Variants in SSBP2 observed in about 807,000 individuals in gnomAD.
The protein encoded by SSBP2 is single stranded DNA binding protein 2.
Under a neutral mutation model 61.8 loss-of-function variants are expected in SSBP2, and 17 were observed. That is an observed-to-expected ratio of 0.28 (90% confidence interval 0.19 to 0.41). The LOEUF (loss-of-function observed/expected upper bound fraction) is 0.41. Ranked by LOEUF, SSBP2 falls within the 10% of genes least tolerant of loss-of-function variation. SSBP2 has a pLI of 1.00. For synonymous variants in SSBP2, 139 were observed against 141.3 expected, an observed-to-expected ratio of 0.98 and a Z score of 0.12; for missense variants, 310 against 458.7, an observed-to-expected ratio of 0.68 and a Z score of 2.96.
rs993516548 is a variant in SSBP2 at position 81,612,306 on chromosome 5, T to C, written c.282+3167A>G. On this transcript the variant is annotated intron_variant, in intron 4 of 16. Coordinates refer to ENST00000320672, the MANE Select transcript of SSBP2 (RefSeq NM_012446.5). The stretch of plus-strand genomic sequence containing the variant: ...ATGCTAAATGCCTGTGCATGTAACA[T>C]GGTAAATTTAAATTTTATTTCATTA... 2.0e-5 allele frequency among the ~76,000 whole-genome samples: 3 copies of C among 152,246 alleles called. 1 individual carries two copies. The highest frequency in any genetic ancestry group is 4.1e-4 in the South Asian group (2 of 4,830).
At chr5:81,711,879 T>C (rs1056804493) in intron 1 of SSBP2, among the ~76,000 whole-genome samples, 2 of 151,942 alleles carry the variant, frequency 1.3e-5, no homozygotes, top group African/African-American at 4.8e-5. Context: ...TGCCTCGGTT[T>C]CCTCACCTGT....
chr5:81,493,761 A>AT (rs1561466642), intron 5 of SSBP2, among the ~76,000 whole-genome samples: 2 of 151,602 alleles, frequency 1.3e-5, no homozygotes, highest in African/African-American at 2.4e-5. Context: ...ATCTCAAAAA[A>AT]AAAAATAAAA....
chr5:81,554,087 C>T (rs1484940410), intron 4 of SSBP2, among the ~76,000 whole-genome samples: 1 of 151,966 alleles, frequency 6.6e-6, no homozygotes, highest in East Asian at 1.9e-4. Context: ...GCATAAGTAA[C>T]AAAAACAGAT....
intron 1 of SSBP2, among the ~76,000 whole-genome samples, chr5:81,703,839 C>T (rs1754172236): frequency 6.6e-6 from 1 of 152,086 alleles, no homozygotes; most frequent in Non-Finnish European, 1.5e-5. Flanking sequence ...ATGGTGACTA[C>T]TTTTTCATTG....
At chr5:81,587,581 T>A (rs1412538665) in intron 4 of SSBP2, among the ~76,000 whole-genome samples, 1 of 151,942 alleles carries the variant, frequency 6.6e-6, no homozygotes, top group Non-Finnish European at 1.5e-5. Flanking sequence ...AATACAAAAA[T>A]TAGCCAAATG....
chr5:81,445,816 A>G (rs1007435224), intron 12 of SSBP2, among the ~76,000 whole-genome samples: 1 of 152,116 alleles, frequency 6.6e-6, no homozygotes, highest in Non-Finnish European at 1.5e-5. Context: ...TTTCCCATCT[A>G]CTTAATCATC....
chr5:81,751,171 G>T, upstream of SSBP2: 1 of 956,382 alleles, frequency 1.0e-6, no homozygotes, highest in Non-Finnish European at 1.6e-6. Context: ...CCAAAGCTCC[G>T]CCCCCTTCGC....
At chr5:81,420,583 A>C in intron 16 of SSBP2, 50 bp from the exon 17 acceptor site, 2 of 1,485,768 alleles carry the variant, frequency 1.3e-6, no homozygotes, top group Non-Finnish European at 1.9e-6. Flanking sequence ...TTTAGAGATC[A>C]CTAAGGTTCT....
At chr5:81,530,529 C>T (rs1018909198) in intron 4 of SSBP2, among the ~76,000 whole-genome samples, 1 of 151,594 alleles carries the variant, frequency 6.6e-6, no homozygotes, top group South Asian at 2.1e-4. Flanking sequence ...GTTTCTTCTC[C>T]CTCAGATCCA....
At chr5:81,728,390 G>C (rs116727969) in intron 1 of SSBP2, among the ~76,000 whole-genome samples, 1,857 of 152,204 alleles carry the variant, frequency 0.012, 35 homozygotes, top group African/African-American at 0.041. Context: ...GGCCTCTCTT[G>C]TCCTCATTTC....
rs902204341 is a variant in SSBP2, at chr5:81,418,146, T to C, written c.*2358A>G. 1 of 152,240 alleles carries C rather than the reference T, an allele frequency of 6.6e-6. No homozygotes were observed. The highest frequency in any genetic ancestry group is 1.9e-4 in the East Asian group (1 of 5,206). The allele number at this position is 152,240 out of a possible 1,614,324, so 9.4% of individuals were successfully genotyped here. ...AATCAAAGGACTGTCAATTTTTATA[T>C]GATTGTCATAAAATATGAAAGTCAA... On this transcript the variant is annotated 3_prime_UTR_variant, in exon 17 of 17. Coordinates refer to ENST00000320672, the MANE Select transcript of SSBP2 (RefSeq NM_012446.5).
chr5:81,467,714 G>A (rs1209194966), intron 8 of SSBP2, among the ~76,000 whole-genome samples: 1 of 151,866 alleles, frequency 6.6e-6, no homozygotes, highest in Non-Finnish European at 1.5e-5. Context: ...GGGACAAAAA[G>A]GCTAATTTTA....
chr5:81,556,301 A>G (rs1393022732), intron 4 of SSBP2, among the ~76,000 whole-genome samples: 1 of 152,082 alleles, frequency 6.6e-6, no homozygotes, highest in Non-Finnish European at 1.5e-5. Context: ...GCAGTTAAAA[A>G]TTCTCCATGT....
intron 6 of SSBP2, 150 bp downstream of exon 6, chr5:81,489,100 T>TACTATTCAA: frequency 1.5e-6 from 1 of 666,000 alleles, no homozygotes; most frequent in African/African-American, 1.9e-5. Flanking sequence ...GCTTATGAGC[T>TACTATTCAA]GTAGTTTGCC....
At chr5:81,696,471 A>C (rs577520833) in intron 1 of SSBP2, among the ~76,000 whole-genome samples, 1 of 152,286 alleles carries the variant, frequency 6.6e-6, no homozygotes, top group African/African-American at 2.4e-5. Flanking sequence ...CCTGCTCCTC[A>C]AGGGGTATGG....
intron 10 of SSBP2, among the ~76,000 whole-genome samples, 160 bp from the exon 11 acceptor site, chr5:81,448,985 GA>G (rs1561412705): frequency 6.6e-6 from 1 of 152,108 alleles, no homozygotes; most frequent in Non-Finnish European, 1.5e-5. Context: ...CTGGAAAACT[GA>G]ATAATAATAA....
chr5:81,575,724 A>T (rs985220135), intron 4 of SSBP2, among the ~76,000 whole-genome samples: 39 of 152,208 alleles, frequency 2.6e-4, no homozygotes, highest in Non-Finnish European at 5.3e-4. Context: ...AAAGATTATC[A>T]GACTAGATAA....
chr5:81,485,815 T>C (rs1364993748), intron 6 of SSBP2, among the ~76,000 whole-genome samples: 1 of 152,144 alleles, frequency 6.6e-6, no homozygotes, highest in Non-Finnish European at 1.5e-5. Flanking sequence ...CTGGACACAT[T>C]TGTGTTTTTA....
At chr5:81,484,380 C>T (rs573994231) in intron 6 of SSBP2, among the ~76,000 whole-genome samples, 1 of 152,000 alleles carries the variant, frequency 6.6e-6, no homozygotes, top group Non-Finnish European at 1.5e-5. Context: ...ATAGAATTCA[C>T]TATGCAAAAT....
Sources: gnomAD v4.1 joint callset for allele counts (sites outside exome capture counted in the v4.1 genomes callset) on GRCh38, gnomAD v4.1.1 for gene constraint, MANE v1.5 for transcripts, NCBI Gene and HGNC (gene_info 2026-07-23, HGNC 2026-07-21) for gene names.